The following TCTA variants were observed in gnomAD, a reference collection of about 807,000 sequenced individuals.
TCTA encodes the protein T-cell leukemia translocation-altered gene protein.
A neutral mutation model predicts 13.5 loss-of-function variants in TCTA; 13 were observed. The ratio of observed to expected loss-of-function variants is 0.96; its 90% CI spans 0.63 to 1.53. TCTA has a LOEUF of 1.53. Among genes scored for constraint, TCTA ranks in the 40% most tolerant of loss-of-function variants. The pLI is 0.00. For synonymous variants in TCTA, 58 were observed against 59.0 expected, an observed-to-expected ratio of 0.98 and a Z score of 0.08; for missense variants, 138 against 131.3, an observed-to-expected ratio of 1.05 and a Z score of -0.25.
rs1224443165 is a variant in TCTA, at chr3:49,414,916, C to G, written c.*54C>G. ...ATCACTGGGTCTGCTGGCTTCTACA[C>G]TGGGTTCTGCTACTCCCCAGACCTC... is the stretch of plus-strand genomic sequence containing the variant. On this transcript the variant is annotated 3_prime_UTR_variant, in exon 3 of 3. Transcript: ENST00000273590. The G allele has an allele frequency of 9.3e-6, 15 of 1,609,070 alleles. No individual in the cohort carries two copies. The highest frequency in any genetic ancestry group is 1.3e-5 in the African/African-American group (1 of 74,790).
At chr3:49,414,763 G>A in intron 2 of TCTA, 57 bp from the exon 3 acceptor site, 2 of 1,609,344 alleles carry the variant, frequency 1.2e-6, no homozygotes, top group Non-Finnish European at 8.5e-7. Context: ...GCCAATTTCA[G>A]CAACTGTTCT....
At chr3:49,413,359 A>C in intron 2 of TCTA, 1 of 546,702 alleles carries the variant, frequency 1.8e-6, no homozygotes. Flanking sequence ...GAGAGATGAA[A>C]TGACAGGTTT....
rs2048993511 is a variant in TCTA at position 49,415,515 on chromosome 3, A to C, written c.*653A>C. The C allele has an allele frequency of 1.3e-5, 2 of 151,722 alleles. No homozygotes were observed. Among genetic ancestry groups the C allele is most frequent in the Non-Finnish European group, 2.9e-5 (2 of 67,934 alleles). The allele number at this position is 151,722 out of a possible 1,614,324, so 9.4% of individuals were successfully genotyped here. ...TGGGCAACAGAGCAAGACCCATCTC[A>C]AAAAAAAAATTTTTTTCCTGAGAGG... On this transcript the variant is annotated 3_prime_UTR_variant, in exon 3 of 3. Coordinates refer to ENST00000273590, the MANE Select transcript of TCTA (RefSeq NM_022171.3).
intron 2 of TCTA, 36 bp downstream of exon 2, chr3:49,413,146 G>A: frequency 2.5e-6 from 4 of 1,612,306 alleles, no homozygotes; most frequent in Non-Finnish European, 2.5e-6. Context: ...CCCCATGCTT[G>A]GCATTCCAAG....
chr3:49,414,505 A>G (rs1308833408), intron 2 of TCTA, among the ~76,000 whole-genome samples: 2 of 152,192 alleles, frequency 1.3e-5, no homozygotes, highest in African/African-American at 4.8e-5. Flanking sequence ...TTGCACCCCA[A>G]CCTGGGCAAC....
intron 2 of TCTA, 26 bp from the exon 3 acceptor site, chr3:49,414,794 C>T (rs760502172): frequency 1.2e-6 from 2 of 1,613,738 alleles, no homozygotes; most frequent in Non-Finnish European, 1.7e-6. Flanking sequence ...TAACCACTCT[C>T]TCTTCTCTCT....
intron 2 of TCTA, among the ~76,000 whole-genome samples, chr3:49,413,603 C>T (rs1267305869): frequency 2.6e-5 from 4 of 152,030 alleles, no homozygotes; most frequent in African/African-American, 7.2e-5. Flanking sequence ...TAGGGGAGGG[C>T]GGCAGTGCAT....
intron 1 of TCTA, 79 bp from the exon 2 acceptor site, chr3:49,412,977 C>T (rs1185551033): frequency 1.3e-6 from 2 of 1,484,378 alleles, no homozygotes; most frequent in African/African-American, 1.4e-5. Flanking sequence ...TACCAGTGGT[C>T]TCTAACCTGA....
rs764746241 is a variant in TCTA, at chr3:49,412,545, A to AGCT, written c.130_132dup (p.Leu44dup). ...CAGGACATGCGCGTGACCCTCTTCA[A>AGCT]GCTGCTGCTGCTGTGGTTGGTGTTA... On this transcript the variant is annotated inframe_insertion, in exon 1 of 3. Transcript: ENST00000273590. 6.2e-7 allele frequency: 1 copy of AGCT among 1,614,234 alleles called. No individual in the cohort carries two copies. Among genetic ancestry groups the AGCT allele is most frequent in the Admixed American group, 1.7e-5 (1 of 60,030 alleles).
At chr3:49,412,996 G>T in intron 1 of TCTA, 60 bp from the exon 2 acceptor site, 1 of 1,575,286 alleles carries the variant, frequency 6.3e-7, no homozygotes. Context: ...GACCTGGGCT[G>T]ATGCCTGCTC....
chr3:49,414,015 G>A (rs973533471), intron 2 of TCTA, among the ~76,000 whole-genome samples: 8 of 152,088 alleles, frequency 5.3e-5, no homozygotes, highest in African/African-American at 1.2e-4. Context: ...TGAGATGGGC[G>A]GATCACTTGA....
chr3:49,413,192 C>G (rs2048971740), intron 2 of TCTA, 82 bp downstream of exon 2: 2 of 1,527,572 alleles, frequency 1.3e-6, no homozygotes, highest in Admixed American at 3.4e-5. Flanking sequence ...GGGGAGTTCT[C>G]AGGCTTTAAG....
chr3:49,412,570 A>G lies in TCTA; in HGVS notation c.144A>G (p.Leu48=), dbSNP rs1424641450. 1 of 1,614,094 alleles carries G rather than the reference A, an allele frequency of 6.2e-7. No individual in the cohort carries two copies. The highest frequency in any genetic ancestry group is 1.3e-5 in the African/African-American group (1 of 74,936). Residue 48 remains leucine (L), a synonymous_variant, in exon 1 of 3, where the codon TTA becomes TTG. Transcript: ENST00000273590. ...LFKLLLLWLV[L]SLLGIQLAWG... is the part of the protein sequence containing the mutation. ...AGCTGCTGCTGCTGTGGTTGGTGTT[A>G]AGTCTCCTGGGCATCCAGCTGGCGT...
chr3:49,413,662 C>T (rs1028511449), intron 2 of TCTA, among the ~76,000 whole-genome samples: 18 of 151,992 alleles, frequency 1.2e-4, no homozygotes, highest in African/African-American at 4.1e-4. Flanking sequence ...ACACCTAAGC[C>T]GAGATCAAAT....
chr3:49,413,126 C>G lies in TCTA; in HGVS notation c.269+16C>G. 1 of 1,614,124 alleles carries G rather than the reference C, an allele frequency of 6.2e-7. No homozygotes were observed. Among genetic ancestry groups the G allele is most frequent in the Non-Finnish European group, 8.5e-7 (1 of 1,179,964 alleles). ...TCCCTTCGTGGTGAGTAAATCTGTC[C>G]ATACCGCAACCCCATGCTTGGCATT... On this transcript the variant is annotated intron_variant, in intron 2 of 2. Coordinates refer to ENST00000273590, the MANE Select transcript of TCTA (RefSeq NM_022171.3).
At chr3:49,413,844 G>T (rs766170237) in intron 2 of TCTA, among the ~76,000 whole-genome samples, 1 of 152,226 alleles carries the variant, frequency 6.6e-6, no homozygotes, top group Non-Finnish European at 1.5e-5. Context: ...GCTGTGGTCT[G>T]ATCTAATTTG....
In TCTA at chr3:49,412,620, C is replaced by A. The variant is rs1351289696; in HGVS notation, c.194C>A (p.Thr65Asn). The A allele has an allele frequency of 6.2e-7, 1 of 1,614,164 alleles. No individual in the cohort carries two copies. ...LAWGFYGNTV[T>N]GLYHRPGLGG... is the part of the protein sequence containing the mutation. ...TGGGGGTTCTACGGGAATACAGTGA[C>A]CGGGTTGTATCACCGTCCAGGTGAG... is the stretch of plus-strand genomic sequence containing the variant. Residue 65 changes from threonine to asparagine, a missense_variant, in exon 1 of 3, where the codon ACC (threonine) becomes AAC (asparagine). By Grantham distance (65) the Thr-to-Asn change is moderately conservative (BLOSUM62 0). Transcript: ENST00000273590.
intron 1 of TCTA, 79 bp from the exon 2 acceptor site, chr3:49,412,977 C>A: frequency 6.7e-7 from 1 of 1,484,492 alleles, no homozygotes; most frequent in Non-Finnish European, 9.3e-7. Flanking sequence ...TACCAGTGGT[C>A]TCTAACCTGA....
rs1349076747 is a variant in TCTA at position 49,415,016 on chromosome 3, C to T, written c.*154C>T. The T allele has an allele frequency of 1.2e-6, 1 of 801,982 alleles. No homozygotes were observed. Among genetic ancestry groups the T allele is most frequent in the Non-Finnish European group, 2.0e-6 (1 of 503,206 alleles). The allele number at this position is 801,982 out of a possible 1,614,324, so 49.7% of individuals were successfully genotyped here. A position where few individuals can be genotyped will look rare whatever the true frequency, so the allele number is the denominator to read the frequency against. On this transcript the variant is annotated 3_prime_UTR_variant, in exon 3 of 3. Coordinates refer to ENST00000273590, the MANE Select transcript of TCTA (RefSeq NM_022171.3). ...CTACAGGGCTGGGCCTCTTCTGCCT[C>T]TTAAGCCTGCTCCCTCACCCAGGCA...
Sources: allele counts gnomAD v4.1 joint callset (sites outside exome capture counted in the v4.1 genomes callset), GRCh38; gene constraint gnomAD v4.1.1; transcripts MANE v1.5; gene names NCBI Gene and HGNC (gene_info 2026-07-23, HGNC 2026-07-21).